TNRC6B: variants seen among roughly 807,000 people sequenced by gnomAD.
TNRC6B encodes the protein trinucleotide repeat containing adaptor 6B.
A neutral mutation model predicts 203.6 loss-of-function variants in TNRC6B; 52 were observed. The ratio of observed to expected loss-of-function variants is 0.26; its 90% CI spans 0.20 to 0.32. TNRC6B has a LOEUF of 0.32. Ranked by LOEUF, TNRC6B falls within the 10% of genes least tolerant of loss-of-function variation. TNRC6B has a pLI of 1.00. For missense variants in TNRC6B, 1,923 were observed against 2,286.2 expected (o/e 0.84, Z 3.24); for synonymous variants, 838 against 845.7 (o/e 0.99, Z 0.16).
At chr22:40,270,485 A>G (rs2070546940) in intron 6 of TNRC6B, among the ~76,000 whole-genome samples, 3 of 151,642 alleles carry the variant, frequency 2.0e-5, no homozygotes, top group African/African-American at 7.3e-5. Flanking sequence ...ACGCCCGGCT[A>G]ATTTTTGTAT....
Position 40,300,450 on chromosome 22 carries a change from G to T in TNRC6B, c.3709-5G>T. 4.6e-6 allele frequency: 7 copies of T among 1,532,338 alleles called. No homozygotes were observed. Among genetic ancestry groups the T allele is most frequent in the East Asian group, 2.4e-5 (1 of 42,484 alleles). The allele number at this position is 1,532,338 out of a possible 1,614,324, so 94.9% of individuals were successfully genotyped here. A position where few individuals can be genotyped will look rare whatever the true frequency, so the allele number is the denominator to read the frequency against. On this transcript the variant is annotated splice_polypyrimidine_tract_variant and splice_region_variant and intron_variant, in intron 12 of 22. Coordinates refer to ENST00000454349, the MANE Select transcript of TNRC6B (RefSeq NM_001162501.2). ...CTTTTCTTTCTTTTTTATTTTTTTG[G>T]CTAGGTTTCTGCCTCAATGCTCAAG... is the stretch of plus-strand genomic sequence containing the variant.
intron 3 of TNRC6B, among the ~76,000 whole-genome samples, chr22:40,132,243 G>A (rs1266653220): frequency 6.6e-6 from 1 of 152,200 alleles, no homozygotes; most frequent in Non-Finnish European, 1.5e-5. Context: ...AGCTGTGCCT[G>A]TAATCCCAGC....
At chr22:40,119,917 A>G (rs1601824861) in intron 2 of TNRC6B, among the ~76,000 whole-genome samples, 2 of 151,308 alleles carry the variant, frequency 1.3e-5, no homozygotes, top group Non-Finnish European at 2.9e-5. Context: ...AGGTTTGTTC[A>G]AGAAACATTG....
chr22:40,245,065 T>C (rs1380251034), intron 1 of TNRC6B, among the ~76,000 whole-genome samples: 1 of 146,234 alleles, frequency 6.8e-6, no homozygotes, highest in Non-Finnish European at 1.5e-5. Flanking sequence ...ATTCACCCAA[T>C]AGGACATACA....
At chr22:40,262,202 G>A (rs1406193300) in intron 4 of TNRC6B, 29 bp downstream of exon 4, 2 of 1,350,348 alleles carry the variant, frequency 1.5e-6, no homozygotes, top group East Asian at 2.6e-5. Flanking sequence ...CGAATGCATG[G>A]CAGCTTGACA....
In TNRC6B at chr22:40,262,311, A is replaced by G. The variant is rs2070399363; in HGVS notation, c.457+138A>G. On this transcript the variant is annotated intron_variant, in intron 4 of 22. Coordinates refer to ENST00000454349, the MANE Select transcript of TNRC6B (RefSeq NM_001162501.2). ...TAGTCAAAAGATGAGAGAGGATCCT[A>G]GTATGCGATGTGTATTGGTGATTCT... The G allele has an allele frequency of 6.6e-6, 5 of 758,962 alleles. No homozygotes were observed. The East Asian group carries it at 1.2e-4, about 19-fold the overall frequency. The allele number at this position is 758,962 out of a possible 1,614,324, so 47.0% of individuals were successfully genotyped here.
chr22:40,272,380 A>G (rs751054039), intron 6 of TNRC6B, among the ~76,000 whole-genome samples: 2 of 152,268 alleles, frequency 1.3e-5, no homozygotes, highest in African/African-American at 2.4e-5. Context: ...CTACTTGTCT[A>G]TCATAGGCCT....
At chr22:40,137,856 C>T (rs1465312906) in intron 3 of TNRC6B, among the ~76,000 whole-genome samples, 1 of 151,784 alleles carries the variant, frequency 6.6e-6, no homozygotes, top group African/African-American at 2.4e-5. Context: ...TGGTGGCAGG[C>T]GCCTGTAATC....
At chr22:40,200,278 C>CTTTTTTTTT (rs59067007) in intron 1 of TNRC6B, among the ~76,000 whole-genome samples, 6 of 75,510 alleles carry the variant, frequency 7.9e-5, no homozygotes, top group South Asian at 6.0e-4. Context: ...AAGTAATATT[C>CTTTTTTTTT]TTTTTTTTTT....
intron 15 of TNRC6B, among the ~76,000 whole-genome samples, chr22:40,307,408 G>A (rs550521555): frequency 1.2e-4 from 18 of 152,192 alleles, no homozygotes; most frequent in Admixed American, 4.6e-4. Context: ...GCCGCTCTGC[G>A]CTCCCTGTGG....
intron 1 of TNRC6B, among the ~76,000 whole-genome samples, chr22:40,236,691 C>T (rs1015469068): frequency 6.6e-6 from 1 of 152,122 alleles, no homozygotes; most frequent in Admixed American, 6.6e-5. Flanking sequence ...CAAGATGAAC[C>T]CTGGCTGTTC....
At chr22:40,117,191 T>C (rs938468667) in intron 2 of TNRC6B, 6 of 152,548 alleles carry the variant, frequency 3.9e-5, no homozygotes, top group Admixed American at 1.3e-4. Flanking sequence ...AGAAGAAAAG[T>C]ACTTTTTCAA....
chr22:40,083,473 G>A (rs538534126), intron 1 of TNRC6B, among the ~76,000 whole-genome samples: 3 of 152,272 alleles, frequency 2.0e-5, no homozygotes, highest in Admixed American at 2.0e-4. Context: ...GAGAAAGATA[G>A]CAGGTTCTTA....
At chr22:40,074,904 G>C (rs1701818114) in intron 1 of TNRC6B, among the ~76,000 whole-genome samples, 1 of 152,088 alleles carries the variant, frequency 6.6e-6, no homozygotes, top group South Asian at 2.1e-4. Context: ...GCTGCAGGGA[G>C]CCGTGGTTGT....
At chr22:40,128,010 T>C (rs1187497191) in intron 3 of TNRC6B, among the ~76,000 whole-genome samples, 4 of 152,360 alleles carry the variant, frequency 2.6e-5, no homozygotes, top group Admixed American at 6.5e-5. Flanking sequence ...TTTCAACTTC[T>C]TTTTGGAAAA....
Position 40,178,160 on chromosome 22 carries a change from T to G in TNRC6B, c.5+20T>G, listed in dbSNP as rs1266548587. 4 of 1,613,238 alleles carry G rather than the reference T, an allele frequency of 2.5e-6. No homozygotes were observed. The highest frequency in any genetic ancestry group is 2.7e-5 in the African/African-American group (2 of 74,906). On this transcript the variant is annotated intron_variant, in intron 1 of 22. Coordinates refer to ENST00000454349, the MANE Select transcript of TNRC6B (RefSeq NM_001162501.2). ...TATGAGGTTGGTAAATATTTTCAAT[T>G]TTTTTTAACCAATTGATTTATATGG...
intron 1 of TNRC6B, among the ~76,000 whole-genome samples, chr22:40,100,309 C>T (rs1053257958): frequency 1.3e-5 from 2 of 151,608 alleles, no homozygotes; most frequent in African/African-American, 2.4e-5. Context: ...AGGCTGGTCT[C>T]GAACTTCTGG....
At chr22:40,293,752 G>A (rs1296612276) in intron 12 of TNRC6B, among the ~76,000 whole-genome samples, 3 of 152,022 alleles carry the variant, frequency 2.0e-5, no homozygotes, top group Non-Finnish European at 4.4e-5. Context: ...GGCCTGCTGT[G>A]TTCACTGCTG....
intron 1 of TNRC6B, among the ~76,000 whole-genome samples, chr22:40,075,378 T>C (rs1399669270): frequency 1.3e-5 from 2 of 151,702 alleles, no homozygotes; most frequent in Admixed American, 6.6e-5. Flanking sequence ...TTTGTAATTA[T>C]AGAACGTTTC....
Sources: allele counts gnomAD v4.1 joint callset (sites outside exome capture counted in the v4.1 genomes callset), GRCh38; gene constraint gnomAD v4.1.1; transcripts MANE v1.5; gene names NCBI Gene and HGNC (gene_info 2026-07-23, HGNC 2026-07-21).